Variants in REEP3 observed in about 807,000 individuals in gnomAD.
The protein encoded by REEP3 is receptor accessory protein 3, also known as receptor expression-enhancing protein 3.
Under a neutral mutation model 41.3 loss-of-function variants are expected in REEP3, and 20 were observed. The observed-to-expected ratio is 0.48, with a 90% CI of 0.34 to 0.70. The LOEUF (loss-of-function observed/expected upper bound fraction) is 0.70, where lower values mean the gene tolerates loss of function less well. Ranked by LOEUF, REEP3 falls within the 30% of genes least tolerant of loss-of-function variation. The pLI is 0.01. For missense variants in REEP3, 271 were observed against 308.8 expected, an observed-to-expected ratio of 0.88 and a Z score of 0.92; for synonymous variants, 104 against 101.8, an observed-to-expected ratio of 1.02 and a Z score of -0.13.
chr10:63,577,475 G>T (rs998380089), intron 2 of REEP3, among the ~76,000 whole-genome samples: 1 of 152,150 alleles, frequency 6.6e-6, no homozygotes, highest in East Asian at 1.9e-4. Context: ...CCAGGATGGA[G>T]TGCAGTGGTG....
intron 1 of REEP3, among the ~76,000 whole-genome samples, chr10:63,536,195 G>A (rs1049647466): frequency 6.6e-6 from 1 of 152,188 alleles, no homozygotes; most frequent in African/African-American, 2.4e-5. Flanking sequence ...AAGCTATATG[G>A]CAGTTGAGCT....
chr10:63,621,879 G>A lies in REEP3; in HGVS notation c.*1010G>A, dbSNP rs896604227. 2.6e-5 allele frequency: 4 copies of A among 152,182 alleles called. No homozygotes were observed. Among genetic ancestry groups the A allele is most frequent in the African/African-American group, 9.7e-5 (4 of 41,444 alleles). The allele number at this position is 152,182 out of a possible 1,614,324, so 9.4% of individuals were successfully genotyped here. A position where few individuals can be genotyped will look rare whatever the true frequency, so the allele number is the denominator to read the frequency against. ...ATTCACAAGCTTGGCATTGACATGT[G>A]CTGCTAGTTTATAAACTGGCATTGA... On this transcript the variant is annotated 3_prime_UTR_variant, in exon 8 of 8. Transcript: ENST00000373758.
chr10:63,569,565 G>A (rs372504096), intron 2 of REEP3, among the ~76,000 whole-genome samples: 81 of 151,788 alleles, frequency 5.3e-4, no homozygotes, highest in African/African-American at 1.9e-3. Flanking sequence ...TTATCAGTAA[G>A]CACAGAAATA....
intron 1 of REEP3, among the ~76,000 whole-genome samples, chr10:63,544,162 T>C (rs1230366403): frequency 1.3e-5 from 2 of 152,112 alleles, no homozygotes; most frequent in Non-Finnish European, 2.9e-5. Context: ...AATATGACTC[T>C]CTTCAGAAAT....
At chr10:63,584,430 T>TTA (rs1554806774) in intron 2 of REEP3, among the ~76,000 whole-genome samples, 8 of 129,230 alleles carry the variant, frequency 6.2e-5, no homozygotes, top group African/African-American at 2.0e-4. Context: ...CCCATCTTTT[T>TTA]AAAAAAAAAA....
At chr10:63,558,543 T>C (rs1955711319) in intron 1 of REEP3, among the ~76,000 whole-genome samples, 1 of 152,084 alleles carries the variant, frequency 6.6e-6, no homozygotes, top group Non-Finnish European at 1.5e-5. Context: ...TCCCAGCACT[T>C]TGGGAGGCCG....
intron 1 of REEP3, among the ~76,000 whole-genome samples, chr10:63,551,452 C>CT (rs1434086042): frequency 6.6e-6 from 1 of 152,166 alleles, no homozygotes; most frequent in East Asian, 1.9e-4. Flanking sequence ...TGGAGCATCA[C>CT]TCCCCACTCC....
At chr10:63,538,379 A>T (rs1955494959) in intron 1 of REEP3, among the ~76,000 whole-genome samples, 1 of 152,206 alleles carries the variant, frequency 6.6e-6, no homozygotes, top group African/African-American at 2.4e-5. Flanking sequence ...TCTAATATTA[A>T]CATTTTATAC....
intron 6 of REEP3, among the ~76,000 whole-genome samples, chr10:63,614,806 G>A (rs762358200): frequency 6.6e-5 from 10 of 152,152 alleles, no homozygotes; most frequent in Non-Finnish European, 1.3e-4. Context: ...AGTTTAAAAT[G>A]GAATAATCCT....
intron 1 of REEP3, among the ~76,000 whole-genome samples, chr10:63,522,076 C>G (rs1955275243): frequency 6.6e-6 from 1 of 152,078 alleles, no homozygotes; most frequent in South Asian, 2.1e-4. Context: ...GCGGCTGATG[C>G]GTTGCGGTGT....
At chr10:63,606,587 A>G (rs1956231357) in intron 5 of REEP3, among the ~76,000 whole-genome samples, 2 of 152,148 alleles carry the variant, frequency 1.3e-5, no homozygotes, top group African/African-American at 2.4e-5. Flanking sequence ...TCTTAATATT[A>G]TATAAATTAA....
intron 3 of REEP3, among the ~76,000 whole-genome samples, chr10:63,596,299 G>C (rs1956113714): frequency 6.8e-6 from 1 of 146,496 alleles, no homozygotes; most frequent in Admixed American, 6.7e-5. Flanking sequence ...TTGTTTTTAA[G>C]TGACAGAGCA....
intron 1 of REEP3, among the ~76,000 whole-genome samples, chr10:63,529,854 A>G (rs12414188): frequency 0.14 from 20,443 of 150,642 alleles, 1,999 homozygotes; most frequent in East Asian, 0.29. Flanking sequence ...TCTCGGCTCA[A>G]TGCAACCTCC....
chr10:63,580,153 TGG>T (rs529182421), intron 2 of REEP3, among the ~76,000 whole-genome samples: 1 of 151,998 alleles, frequency 6.6e-6, no homozygotes, highest in East Asian at 1.9e-4. Flanking sequence ...TGTTTTGAGG[TGG>T]GGGGGTGGTA....
intron 6 of REEP3, among the ~76,000 whole-genome samples, chr10:63,618,914 G>C (rs1956332402): frequency 6.6e-6 from 1 of 152,174 alleles, no homozygotes; most frequent in African/African-American, 2.4e-5. Context: ...TTGCATATTG[G>C]CCCGTAGTAA....
At chr10:63,541,962 A>G (rs1174262631) in intron 1 of REEP3, among the ~76,000 whole-genome samples, 2 of 152,202 alleles carry the variant, frequency 1.3e-5, no homozygotes, top group Non-Finnish European at 2.9e-5. Context: ...TTTCTATGTC[A>G]TATTACTTCT....
chr10:63,610,507 A>G (rs1028176920), intron 6 of REEP3, among the ~76,000 whole-genome samples, 173 bp downstream of exon 6: 4 of 152,064 alleles, frequency 2.6e-5, no homozygotes, highest in African/African-American at 9.7e-5. Context: ...GCAGCAAACC[A>G]CCATGGCACA....
intron 2 of REEP3, among the ~76,000 whole-genome samples, chr10:63,575,378 A>G (rs1419907757): frequency 6.6e-6 from 1 of 152,128 alleles, no homozygotes; most frequent in Non-Finnish European, 1.5e-5. Context: ...TGAGTCCGTT[A>G]TAGTCAATTT....
intron 6 of REEP3, among the ~76,000 whole-genome samples, chr10:63,612,286 G>C (rs1956282396): frequency 6.6e-6 from 1 of 152,002 alleles, no homozygotes; most frequent in Non-Finnish European, 1.5e-5. Flanking sequence ...GTGATTCTGT[G>C]TCAGCCTTCC....
Sources: gnomAD v4.1 joint callset for allele counts (sites outside exome capture counted in the v4.1 genomes callset) on GRCh38, gnomAD v4.1.1 for gene constraint, MANE v1.5 for transcripts, NCBI Gene and HGNC (gene_info 2026-07-23, HGNC 2026-07-21) for gene names.